The following NRG2 variants were observed in gnomAD, a reference collection of about 807,000 sequenced individuals.
NRG2 encodes the protein pro-neuregulin-2, membrane-bound isoform.
NRG2 carries 27 observed loss-of-function variants against 73.9 expected under a neutral mutation model. That is an observed-to-expected ratio of 0.37 (90% confidence interval 0.27 to 0.50). The LOEUF (loss-of-function observed/expected upper bound fraction) is 0.50. NRG2 is among the 20% of genes least tolerant of loss of function. NRG2 has a pLI of 0.96. For missense variants in NRG2, 1,126 were observed against 1,210.1 expected (o/e 0.93, Z 1.03); for synonymous variants, 532 against 541.0 (o/e 0.98, Z 0.23).
Position 139,865,850 on chromosome 5 carries a change from G to C in NRG2, c.1113-225C>G, listed in dbSNP as rs916399713. 6.6e-6 allele frequency among the ~76,000 whole-genome samples: 1 copy of C among 152,108 alleles called. No homozygotes were observed. On this transcript the variant is annotated intron_variant, in intron 4 of 9. Coordinates refer to ENST00000361474, the MANE Select transcript of NRG2 (RefSeq NM_004883.3). The surrounding 1 kb of genome is among the most constrained non-coding windows in gnomAD (Gnocchi z 5.2). The stretch of plus-strand genomic sequence containing the variant: ...CCATGGGTGGTGGGGAAGGTGGGGT[G>C]GGTCAGGGGGAGGATGATTTAGGTA...
intron 1 of NRG2, among the ~76,000 whole-genome samples, chr5:139,936,404 A>G (rs1344851837): frequency 6.6e-6 from 1 of 152,200 alleles, no homozygotes; most frequent in Non-Finnish European, 1.5e-5. Flanking sequence ...GCTAATAATT[A>G]TATTAAATTC....
intron 1 of NRG2, among the ~76,000 whole-genome samples, chr5:139,950,171 C>CCT (rs1324664290): frequency 1.3e-5 from 2 of 152,298 alleles, no homozygotes; most frequent in East Asian, 3.9e-4. Context: ...CTTCTTCGTT[C>CCT]CTCAGAAGGT....
intron 1 of NRG2, among the ~76,000 whole-genome samples, chr5:139,996,572 C>G (rs369876203): frequency 6.6e-6 from 1 of 152,312 alleles, no homozygotes; most frequent in South Asian, 2.1e-4. Flanking sequence ...AGGGACCTGA[C>G]TGAAATCTCA....
intron 1 of NRG2, among the ~76,000 whole-genome samples, chr5:140,031,281 A>T (rs1028276194): frequency 6.6e-6 from 1 of 152,228 alleles, no homozygotes; most frequent in African/African-American, 2.4e-5. Context: ...GGAGAGGTGA[A>T]GCCTCAGGTA....
At chr5:139,998,601 A>G (rs889472137) in intron 1 of NRG2, among the ~76,000 whole-genome samples, 5 of 152,132 alleles carry the variant, frequency 3.3e-5, no homozygotes, top group African/African-American at 1.2e-4. Flanking sequence ...TCTACTAGTG[A>G]TGTGGAAAGA....
intron 1 of NRG2, among the ~76,000 whole-genome samples, chr5:140,016,142 T>G (rs969756107): frequency 6.6e-6 from 1 of 152,172 alleles, no homozygotes; most frequent in African/African-American, 2.4e-5. Context: ...TCCAGAGCCC[T>G]GCTTTCAACT....
intron 1 of NRG2, among the ~76,000 whole-genome samples, chr5:139,967,900 A>C (rs1285743152): frequency 6.6e-6 from 1 of 152,192 alleles, no homozygotes; most frequent in African/African-American, 2.4e-5. Flanking sequence ...CAGAGGTTGC[A>C]GTGAGCTGAG....
chr5:140,006,479 A>C (rs985546297), intron 1 of NRG2, among the ~76,000 whole-genome samples: 1 of 152,228 alleles, frequency 6.6e-6, no homozygotes, highest in Non-Finnish European at 1.5e-5. Flanking sequence ...GATGCACACA[A>C]AGATTAATGT....
chr5:139,864,582 C>A (rs1057144258), intron 5 of NRG2, among the ~76,000 whole-genome samples: 8 of 151,962 alleles, frequency 5.3e-5, no homozygotes, highest in African/African-American at 1.9e-4. Flanking sequence ...CTCCCACCAT[C>A]CTGTAGCCAC....
At chr5:139,994,122 G>A (rs1190583208) in intron 1 of NRG2, among the ~76,000 whole-genome samples, 1 of 152,192 alleles carries the variant, frequency 6.6e-6, no homozygotes, top group Non-Finnish European at 1.5e-5. Flanking sequence ...ATTAGCATGT[G>A]TAATTATCAA....
intron 1 of NRG2, among the ~76,000 whole-genome samples, chr5:139,963,280 G>GCCA (rs1159042604): frequency 1.3e-5 from 2 of 152,114 alleles, no homozygotes; most frequent in Non-Finnish European, 2.9e-5. Context: ...GATAACCTTA[G>GCCA]GCCATATCCT....
intron 1 of NRG2, among the ~76,000 whole-genome samples, chr5:139,968,769 C>G (rs963526101): frequency 1.3e-5 from 2 of 152,228 alleles, no homozygotes; most frequent in Admixed American, 1.3e-4. Flanking sequence ...CAGCAAGAAC[C>G]CAGCTCCATC....
intron 1 of NRG2, among the ~76,000 whole-genome samples, chr5:139,940,690 G>A (rs1374954160): frequency 6.6e-6 from 1 of 152,200 alleles, no homozygotes; most frequent in Non-Finnish European, 1.5e-5. Flanking sequence ...ACATAGGTAT[G>A]TGCCATGTAG....
At chr5:139,849,490 A>C (rs983063999) in intron 9 of NRG2, among the ~76,000 whole-genome samples, 16 of 152,056 alleles carry the variant, frequency 1.1e-4, no homozygotes, top group African/African-American at 3.9e-4. Flanking sequence ...GCTCCTTCAG[A>C]AGTCTGGCCT....
chr5:140,017,907 G>A (rs1759924052), intron 1 of NRG2, among the ~76,000 whole-genome samples: 1 of 152,182 alleles, frequency 6.6e-6, no homozygotes, highest in Non-Finnish European at 1.5e-5. Context: ...CTGAGAAGGT[G>A]AGAAGGGATG....
chr5:140,017,148 A>G (rs1192132352), intron 1 of NRG2, among the ~76,000 whole-genome samples: 1 of 152,232 alleles, frequency 6.6e-6, no homozygotes, highest in Non-Finnish European at 1.5e-5. Context: ...GTTAGTAAAA[A>G]GCAGATAGAC....
intron 3 of NRG2, among the ~76,000 whole-genome samples, chr5:139,876,635 C>T (rs1031237380): frequency 2.6e-5 from 4 of 152,012 alleles, no homozygotes; most frequent in East Asian, 3.9e-4. Context: ...GCTGCGTCCC[C>T]GACTGCCCAC....
chr5:139,848,521 T>A lies in NRG2; in HGVS notation c.1949A>T (p.His650Leu), dbSNP rs1455769958. The stretch of plus-strand genomic sequence containing the variant: ...GGGTCCCGGGCCGGGGGGCGCCGGG[T>A]GCCGCAGTAACGGCTGCTGCTCGGC... Reference protein sequence around the residue: ...RLAEQQPLLRHPAPPGPGPGP... With the variant: ...RLAEQQPLLRLPAPPGPGPGP... The change falls in exon 10 of 10, where the codon CAC (histidine) becomes CTC (leucine). Residue 650 changes from histidine to leucine, a missense_variant. By Grantham distance (99) the His-to-Leu change is moderately conservative (BLOSUM62 -3). Around this residue, in one of 3 missense-constraint regions of NRG2, gnomAD observed 402 missense variants for 357.8 expected, o/e 1.12. Coordinates refer to ENST00000361474, the MANE Select transcript of NRG2 (RefSeq NM_004883.3). 7.1e-7 allele frequency: 1 copy of A among 1,411,258 alleles called. No individual in the cohort carries two copies. The highest frequency in any genetic ancestry group is 9.1e-7 in the Non-Finnish European group (1 of 1,093,572). The allele number at this position is 1,411,258 out of a possible 1,614,324, so 87.4% of individuals were successfully genotyped here.
chr5:139,945,611 G>A (rs142441711), intron 1 of NRG2, among the ~76,000 whole-genome samples: 7 of 152,052 alleles, frequency 4.6e-5, no homozygotes, highest in African/African-American at 1.7e-4. Context: ...GTCTTTTGTG[G>A]TTCCATACAA....
Sources: allele counts gnomAD v4.1 joint callset (sites outside exome capture counted in the v4.1 genomes callset), GRCh38; gene constraint gnomAD v4.1.1; regional missense constraint gnomAD v4.1.1; non-coding constraint Gnocchi (gnomAD v3.1); transcripts MANE v1.5; gene names NCBI Gene and HGNC (gene_info 2026-07-23, HGNC 2026-07-21).